The following DYNC1I1 variants were observed in gnomAD, a reference collection of about 807,000 sequenced individuals.
The protein encoded by DYNC1I1 is dynein cytoplasmic 1 intermediate chain 1, also known as cytoplasmic dynein 1 intermediate chain 1.
Under a neutral mutation model 86.6 loss-of-function variants are expected in DYNC1I1, and 43 were observed. That is an observed-to-expected ratio of 0.50 (90% CI 0.39 to 0.64). The LOEUF (loss-of-function observed/expected upper bound fraction) is 0.64, where lower values mean the gene tolerates loss of function less well. Ranked by LOEUF, DYNC1I1 falls within the 30% of genes least tolerant of loss-of-function variation. The pLI, the probability that DYNC1I1 is intolerant of heterozygous loss-of-function variation, is 0.00. For synonymous variants in DYNC1I1, 262 were observed against 283.7 expected, an observed-to-expected ratio of 0.92 and a Z score of 0.77; for missense variants, 604 against 788.8, an observed-to-expected ratio of 0.77 and a Z score of 2.81.
chr7:95,847,909 C>T (rs1338416914), intron 5 of DYNC1I1, among the ~76,000 whole-genome samples: 1 of 152,198 alleles, frequency 6.6e-6, no homozygotes, highest in African/African-American at 2.4e-5. Flanking sequence ...CCATTATACT[C>T]TCCTGCCTTA....
chr7:96,099,825 GTT>G (rs1011438519), downstream of DYNC1I1, among the ~76,000 whole-genome samples: 5 of 152,114 alleles, frequency 3.3e-5, no homozygotes, highest in Non-Finnish European at 7.4e-5. Flanking sequence ...CCAGGGCAAG[GTT>G]ATAAGAAGAC....
chr7:95,944,803 C>G (rs1372732672), intron 6 of DYNC1I1, among the ~76,000 whole-genome samples: 1 of 144,252 alleles, frequency 6.9e-6, no homozygotes, highest in Non-Finnish European at 1.5e-5. Context: ...TATTCTCACT[C>G]ATAGGTGGGA....
chr7:95,884,058 C>CT (rs2116237352), intron 6 of DYNC1I1, among the ~76,000 whole-genome samples: 1 of 152,222 alleles, frequency 6.6e-6, no homozygotes, highest in East Asian at 1.9e-4. Flanking sequence ...GGAAATTGAT[C>CT]TTTGATGATA....
intron 6 of DYNC1I1, among the ~76,000 whole-genome samples, chr7:95,896,555 T>C (rs1790887668): frequency 6.6e-6 from 1 of 152,196 alleles, no homozygotes; most frequent in African/African-American, 2.4e-5. Flanking sequence ...GTAAGAAGTT[T>C]GCCTAAAGTT....
At chr7:96,024,185 A>G (rs1205845037) in intron 10 of DYNC1I1, among the ~76,000 whole-genome samples, 1 of 152,182 alleles carries the variant, frequency 6.6e-6, no homozygotes, top group African/African-American at 2.4e-5. Flanking sequence ...AATTACTTTG[A>G]TTAGTTAACA....
chr7:95,904,816 T>C (rs1281952980), intron 6 of DYNC1I1, among the ~76,000 whole-genome samples: 1 of 152,196 alleles, frequency 6.6e-6, no homozygotes, highest in African/African-American at 2.4e-5. Context: ...TAAAAACTTT[T>C]AGCTCCTTCT....
chr7:95,866,584 G>A (rs1790023683), intron 5 of DYNC1I1, among the ~76,000 whole-genome samples: 1 of 152,086 alleles, frequency 6.6e-6, no homozygotes, highest in African/African-American at 2.4e-5. Context: ...TTTTAATGAG[G>A]ATAAAATAAG....
intron 9 of DYNC1I1, among the ~76,000 whole-genome samples, chr7:95,995,737 G>A (rs542288961): frequency 1.3e-5 from 2 of 152,314 alleles, no homozygotes; most frequent in East Asian, 3.9e-4. Flanking sequence ...TAGTTTGATA[G>A]TTACCGGTGA....
intron 1 of DYNC1I1, among the ~76,000 whole-genome samples, chr7:95,781,651 C>T (rs1288131060): frequency 1.3e-5 from 2 of 152,158 alleles, no homozygotes; most frequent in African/African-American, 4.8e-5. Flanking sequence ...CCGCTACCTT[C>T]CCAAATGCTG....
intron 1 of DYNC1I1, among the ~76,000 whole-genome samples, chr7:95,780,294 C>T (rs373736377): frequency 9.9e-5 from 15 of 151,252 alleles, no homozygotes; most frequent in African/African-American, 3.2e-4. Context: ...CCTTTTGAGA[C>T]GGAGTCTCTG....
chr7:96,025,321 T>C (rs1254493622), intron 10 of DYNC1I1, among the ~76,000 whole-genome samples: 1 of 151,914 alleles, frequency 6.6e-6, no homozygotes, highest in Non-Finnish European at 1.5e-5. Context: ...ATATATGTCA[T>C]GTAATACATA....
intron 10 of DYNC1I1, among the ~76,000 whole-genome samples, chr7:96,025,841 G>T (rs555092122): frequency 2.4e-5 from 1 of 42,140 alleles, no homozygotes; most frequent in Non-Finnish European, 4.5e-5. Flanking sequence ...ACAAGCTTGC[G>T]GGGGGGGGAT....
In DYNC1I1 at chr7:95,984,795, A is replaced by G; in HGVS notation, c.581-20A>G. On this transcript the variant is annotated intron_variant, in intron 7 of 16. Transcript: ENST00000447467. ...TTTCTTCCCTAACAATCTCTTTTACAAAAAAATAAATAAATAAAGCCCCTC... is the reference window on the plus strand; with the variant it reads ...TTTCTTCCCTAACAATCTCTTTTACGAAAAAATAAATAAATAAAGCCCCTC... 2.6e-6 allele frequency: 4 copies of G among 1,555,244 alleles called. No homozygotes were observed. Among genetic ancestry groups the G allele is most frequent in the Non-Finnish European group, 2.6e-6 (3 of 1,158,454 alleles).
chr7:95,862,235 A>G (rs1172812969), intron 5 of DYNC1I1, among the ~76,000 whole-genome samples: 1 of 152,186 alleles, frequency 6.6e-6, no homozygotes, highest in Non-Finnish European at 1.5e-5. Flanking sequence ...TTGCACTTCA[A>G]AATAAACCAT....
chr7:96,032,811 A>T, intron 12 of DYNC1I1, 31 bp downstream of exon 12: 1 of 1,558,338 alleles, frequency 6.4e-7, no homozygotes, highest in Non-Finnish European at 8.8e-7. Context: ...ACATAACACC[A>T]TCCTGGTTAA....
intron 16 of DYNC1I1, among the ~76,000 whole-genome samples, chr7:96,107,328 C>T (rs1791231826): frequency 6.6e-6 from 1 of 151,918 alleles, no homozygotes; most frequent in African/African-American, 2.4e-5. Context: ...CCGTGCCCAG[C>T]CAATTTTTCA....
chr7:95,884,802 A>G (rs1271029906), intron 6 of DYNC1I1, among the ~76,000 whole-genome samples: 2 of 152,078 alleles, frequency 1.3e-5, no homozygotes, highest in Non-Finnish European at 2.9e-5. Context: ...ACAAAAAAAA[A>G]AAAATAAGCG....
chr7:95,849,311 C>T (rs1447491713), intron 5 of DYNC1I1, among the ~76,000 whole-genome samples: 4 of 152,036 alleles, frequency 2.6e-5, no homozygotes, highest in Admixed American at 6.6e-5. Flanking sequence ...AACAATGTCA[C>T]GGAGCTTTCT....
intron 6 of DYNC1I1, among the ~76,000 whole-genome samples, chr7:95,976,195 A>C (rs3900104): frequency 2.6e-5 from 4 of 152,174 alleles, no homozygotes; most frequent in African/African-American, 9.7e-5. Context: ...ATATATGTAT[A>C]ATGTGGTTAT....
Sources: gnomAD v4.1 joint callset for allele counts (sites outside exome capture counted in the v4.1 genomes callset) on GRCh38, gnomAD v4.1.1 for gene constraint, MANE v1.5 for transcripts, NCBI Gene and HGNC (gene_info 2026-07-23, HGNC 2026-07-21) for gene names.